The following RORB variants were observed in gnomAD, a reference collection of about 807,000 sequenced individuals.
The protein encoded by RORB is RAR related orphan receptor B.
Under a neutral mutation model 59.1 loss-of-function variants are expected in RORB, and 6 were observed. That is an observed-to-expected ratio of 0.10 (90% CI 0.06 to 0.20). The LOEUF is 0.20. Ranked by LOEUF, RORB falls within the 10% of genes least tolerant of loss-of-function variation. RORB has a pLI of 1.00. For missense variants in RORB, 320 were observed against 560.5 expected (o/e 0.57, Z 4.33); for synonymous variants, 215 against 204.5 (o/e 1.05, Z -0.44).
chr9:74,557,233 C>T (rs1822318263), intron 1 of RORB, among the ~76,000 whole-genome samples: 1 of 152,164 alleles, frequency 6.6e-6, no homozygotes, highest in African/African-American at 2.4e-5. Context: ...ATGGCATTCT[C>T]TAACATCGTT....
At chr9:74,598,939 C>T (rs768125529) in intron 1 of RORB, among the ~76,000 whole-genome samples, 1 of 152,110 alleles carries the variant, frequency 6.6e-6, no homozygotes, top group Admixed American at 6.5e-5. Flanking sequence ...AGAAGAGGAA[C>T]CTTACTTTAC....
intron 1 of RORB, among the ~76,000 whole-genome samples, chr9:74,525,819 A>G (rs1327437359): frequency 6.6e-6 from 1 of 151,978 alleles, no homozygotes; most frequent in Non-Finnish European, 1.5e-5. Context: ...CAACTAAATG[A>G]ATCTTTTTTA....
chr9:74,685,459 G>T lies in RORB; in HGVS notation c.1225-4G>T, dbSNP rs774246940. The T allele has an allele frequency of 1.2e-6, 2 of 1,606,270 alleles. No homozygotes were observed. The highest frequency in any genetic ancestry group is 1.1e-5 in the South Asian group (1 of 90,072). Reference sequence around the variant, plus strand: ...ATCTCCCTCTCTGTCTCTCCGTTCTGCAGTTAATAGCCAAGATACCAACCA... The same window carrying T: ...ATCTCCCTCTCTGTCTCTCCGTTCTTCAGTTAATAGCCAAGATACCAACCA... On this transcript the variant is annotated splice_polypyrimidine_tract_variant and splice_region_variant and intron_variant, in intron 9 of 9. Transcript: ENST00000376896.
intron 1 of RORB, among the ~76,000 whole-genome samples, chr9:74,606,921 T>TTTG: frequency 6.6e-6 from 1 of 152,218 alleles, no homozygotes; most frequent in East Asian, 1.9e-4. Context: ...AGGTATTCTA[T>TTTG]TTGTTGTTGT....
At chr9:74,586,733 T>A (rs1328280804) in intron 1 of RORB, among the ~76,000 whole-genome samples, 2 of 152,016 alleles carry the variant, frequency 1.3e-5, no homozygotes, top group Non-Finnish European at 2.9e-5. Flanking sequence ...ATGTGGCACA[T>A]GTTTTTATTT....
chr9:74,666,152 T>G (rs145762389), intron 7 of RORB, among the ~76,000 whole-genome samples: 2,307 of 152,236 alleles, frequency 0.015, 62 homozygotes, highest in African/African-American at 0.053. Flanking sequence ...CCACGCATGG[T>G]GGCTGACGCC....
At chr9:74,561,650 C>T (rs187992917) in intron 1 of RORB, among the ~76,000 whole-genome samples, 5 of 152,304 alleles carry the variant, frequency 3.3e-5, no homozygotes, top group African/African-American at 1.2e-4. Context: ...AGAGTTCACA[C>T]ACAGCCTTTA....
chr9:74,630,515 A>C, intron 2 of RORB, 148 bp downstream of exon 2: 3 of 277,650 alleles, frequency 1.1e-5, no homozygotes, highest in East Asian at 8.2e-5. Flanking sequence ...GGTGGGTGGG[A>C]GGGTTGATTT....
chr9:74,666,295 AAAAT>A (rs1824263388), intron 7 of RORB, among the ~76,000 whole-genome samples: 1 of 152,022 alleles, frequency 6.6e-6, no homozygotes, highest in East Asian at 1.9e-4. Flanking sequence ...TCAAATAAAT[AAAAT>A]AAATAAATAA....
chr9:74,557,845 C>G (rs1026563890), intron 1 of RORB, among the ~76,000 whole-genome samples: 4 of 151,936 alleles, frequency 2.6e-5, no homozygotes, highest in Admixed American at 6.6e-5. Context: ...TTTTGATTTC[C>G]TAACAAGGAG....
chr9:74,648,706 A>G (rs1823942232), intron 4 of RORB, among the ~76,000 whole-genome samples: 1 of 152,194 alleles, frequency 6.6e-6, no homozygotes, highest in Non-Finnish European at 1.5e-5. Context: ...CTCTCCGTCC[A>G]TCCTCCTGAA....
chr9:74,652,414 A>T (rs773169171), intron 4 of RORB, among the ~76,000 whole-genome samples: 1 of 152,304 alleles, frequency 6.6e-6, no homozygotes, highest in East Asian at 1.9e-4. Flanking sequence ...CTCAAAAGAA[A>T]AAAAATGCTA....
At chr9:74,519,445 C>A (rs1427953514) in intron 1 of RORB, among the ~76,000 whole-genome samples, 1 of 151,970 alleles carries the variant, frequency 6.6e-6, no homozygotes, top group African/African-American at 2.4e-5. Flanking sequence ...CTTAGTGGTG[C>A]AGAACCCTTG....
At chr9:74,551,651 A>C (rs774337625) in intron 1 of RORB, among the ~76,000 whole-genome samples, 14 of 152,214 alleles carry the variant, frequency 9.2e-5, no homozygotes, top group East Asian at 1.9e-4. Context: ...AAATTAATTT[A>C]GGGATCCCAA....
At chr9:74,606,675 G>A (rs10869427) in intron 1 of RORB, among the ~76,000 whole-genome samples, 69,295 of 151,990 alleles carry the variant, frequency 0.46, 16,277 homozygotes, top group East Asian at 0.76. Context: ...CTTAGAAGAC[G>A]TAAGATGAGA....
intron 1 of RORB, among the ~76,000 whole-genome samples, chr9:74,540,170 G>A (rs563953776): frequency 2.0e-5 from 3 of 152,118 alleles, no homozygotes; most frequent in African/African-American, 7.2e-5. Context: ...TTTTGTTTAT[G>A]TCATTGATCT....
Position 74,599,420 on chromosome 9 carries a change from A to C in RORB, c.8-30862A>C, listed in dbSNP as rs114481999. On this transcript the variant is annotated intron_variant, in intron 1 of 9. Coordinates refer to ENST00000376896, the MANE Select transcript of RORB (RefSeq NM_006914.4). ...CAGAATGAGTAATATAGACACATTT[A>C]AAGAAATTAAAACAAGCCCACAGAT... Among the ~76,000 whole-genome samples, 414 of 152,262 alleles carry C rather than the reference A, an allele frequency of 2.7e-3. 1 individual carries two copies. The highest frequency in any genetic ancestry group is 9.5e-3 in the African/African-American group (393 of 41,548).
intron 1 of RORB, among the ~76,000 whole-genome samples, chr9:74,561,251 CTA>C (rs902764504): frequency 2.0e-5 from 3 of 152,020 alleles, no homozygotes; most frequent in Non-Finnish European, 4.4e-5. Flanking sequence ...TCGCTGCATT[CTA>C]TGTTTCTCTG....
In RORB at chr9:74,642,610, G is replaced by T. The variant is rs756496356; in HGVS notation, c.432G>T (p.Gly144=). The change falls in exon 4 of 10, where the codon GGG becomes GGT. Residue 144 remains glycine, a synonymous_variant. Coordinates refer to ENST00000376896, the MANE Select transcript of RORB (RefSeq NM_006914.4). ...NNETSGTYAN[G]HVIDLPKSEG... is the part of the protein sequence containing the mutation. ...AGACCAGCGGCACTTATGCCAACGG[G>T]CACGTCATTGACCTGCCCAAGTCTG... 2.5e-6 allele frequency: 4 copies of T among 1,614,050 alleles called. No individual in the cohort carries two copies. The African/African-American group carries it at 4.0e-5, about 16-fold the overall frequency.
Sources: allele counts gnomAD v4.1 joint callset (sites outside exome capture counted in the v4.1 genomes callset), GRCh38; gene constraint gnomAD v4.1.1; transcripts MANE v1.5; gene names NCBI Gene and HGNC (gene_info 2026-07-23, HGNC 2026-07-21).